Variants in PCDHGB1 observed in about 807,000 individuals in gnomAD.
The protein encoded by PCDHGB1 is protocadherin gamma-B1.
In PCDHGB1, 34 loss-of-function variants were observed where a neutral mutation model predicts 56.6. The ratio of observed to expected loss-of-function variants is 0.60; its 90% CI spans 0.46 to 0.80. The LOEUF (loss-of-function observed/expected upper bound fraction) is 0.80. PCDHGB1 is among the 30% of genes least tolerant of loss of function. The pLI is 0.00. For synonymous variants in PCDHGB1, 561 were observed against 505.9 expected (o/e 1.11, Z -1.46); for missense variants, 1,278 against 1,204.6 (o/e 1.06, Z -0.90).
At position 141,432,778 on chromosome 5, in the gene PCDHGB1, G is replaced by T; in HGVS notation, c.2410-62029G>T. The T allele has an allele frequency of 3.7e-6, 6 of 1,614,166 alleles. No individual in the cohort carries two copies. Among genetic ancestry groups the T allele is most frequent in the Non-Finnish European group, 5.1e-6 (6 of 1,180,002 alleles). ...CCGACAGCATCCCCCAAGTCCTGGCGGACCTCGGCAGCCTCGAGTCTCCAG... is the reference window on the plus strand; with the variant it reads ...CCGACAGCATCCCCCAAGTCCTGGCTGACCTCGGCAGCCTCGAGTCTCCAG... On this transcript the variant is annotated intron_variant, in intron 1 of 3. Transcript: ENST00000523390. The surrounding 1 kb of genome is among the most constrained non-coding windows in gnomAD (Gnocchi z 6.0).
At chr5:141,505,336 G>T in intron 2 of PCDHGB1, 57 bp from the exon 3 acceptor site, 2 of 1,611,372 alleles carry the variant, frequency 1.2e-6, no homozygotes, top group Non-Finnish European at 1.7e-6. Context: ...GAGGACAGGA[G>T]GGGCATGAGC....
intron 1 of PCDHGB1, among the ~76,000 whole-genome samples, chr5:141,481,250 C>A (rs1160186962): frequency 2.6e-5 from 4 of 152,144 alleles, no homozygotes; most frequent in Non-Finnish European, 5.9e-5. Context: ...TAGCATAGCT[C>A]TAAAAGATCA....
rs1160304959 is a variant in PCDHGB1, at chr5:141,490,969, C to A, written c.2410-3838C>A. On this transcript the variant is annotated intron_variant, in intron 1 of 3. Coordinates refer to ENST00000523390, the MANE Select transcript of PCDHGB1 (RefSeq NM_018922.3). This position sits in a 1 kb window ranked among gnomAD's most constrained non-coding sequence, Gnocchi z 5.4. ...GCCAGACTGGGAACACTCAGCCCCC[C>A]AGCGTCTCCCTCGCTCTGCTCCTCC... The A allele has an allele frequency of 2.5e-6, 4 of 1,613,820 alleles. No individual in the cohort carries two copies. In the African/African-American group the frequency reaches 4.0e-5, roughly 16 times the overall value.
At chr5:141,479,186 T>A (rs956575218) in intron 1 of PCDHGB1, 1 of 152,590 alleles carries the variant, frequency 6.6e-6, no homozygotes, top group Non-Finnish European at 1.5e-5. Flanking sequence ...GCTAGAAAAT[T>A]CAGAAAATAC....
chr5:141,351,064 G>A lies in PCDHGB1; in HGVS notation c.804G>A (p.Glu268=). Residue 268 remains glutamate, a synonymous_variant, in exon 1 of 4, where the codon GAG becomes GAA. Coordinates refer to ENST00000523390, the MANE Select transcript of PCDHGB1 (RefSeq NM_018922.3). Reference sequence around the variant, plus strand: ...GGGTGATGGCCACAGACCAGGATGAGGGCATTAATGCAGAGATCACCTATG... The same window carrying A: ...GGGTGATGGCCACAGACCAGGATGAAGGCATTAATGCAGAGATCACCTATG... ...VLRVMATDQD[E]GINAEITYAF... is the part of the protein sequence containing the mutation. 6.2e-7 allele frequency: 1 copy of A among 1,614,060 alleles called. No individual in the cohort carries two copies. The highest frequency in any genetic ancestry group is 8.5e-7 in the Non-Finnish European group (1 of 1,179,902).
chr5:141,509,421 A>T (rs939726886), intron 3 of PCDHGB1, among the ~76,000 whole-genome samples: 5 of 152,088 alleles, frequency 3.3e-5, no homozygotes, highest in Non-Finnish European at 1.5e-5. Context: ...AGCCCCAATG[A>T]GTCAAACTCT....
At chr5:141,402,433 A>C (rs1331958085) in intron 1 of PCDHGB1, among the ~76,000 whole-genome samples, 1 of 152,146 alleles carries the variant, frequency 6.6e-6, no homozygotes, top group Non-Finnish European at 1.5e-5. Context: ...GAAGCATCAT[A>C]AAAAGGAAAT....
Position 141,432,830 on chromosome 5 carries a change from C to G in PCDHGB1, c.2410-61977C>G, listed in dbSNP as rs780093171. On this transcript the variant is annotated intron_variant, in intron 1 of 3. Coordinates refer to ENST00000523390, the MANE Select transcript of PCDHGB1 (RefSeq NM_018922.3). The surrounding 1 kb of genome is among the most constrained non-coding windows in gnomAD (Gnocchi z 6.0). ...TAACTCTGAAACCTCAGACCTCACT[C>G]TGTACCTGGTGGTAGCGGTGGCCGC... 4 of 1,614,208 alleles carry G rather than the reference C, an allele frequency of 2.5e-6. No individual in the cohort carries two copies. The highest frequency in any genetic ancestry group is 2.2e-5 in the East Asian group (1 of 44,874).
intron 1 of PCDHGB1, chr5:141,372,854 C>T: frequency 6.9e-7 from 1 of 1,458,390 alleles, no homozygotes; most frequent in Non-Finnish European, 9.2e-7. Flanking sequence ...AATTGGGTTT[C>T]AATTCATTGA....
intron 1 of PCDHGB1, chr5:141,421,377 C>T (rs1168242339): frequency 1.9e-6 from 3 of 1,613,924 alleles, no homozygotes; most frequent in South Asian, 1.1e-5. Context: ...GCAATATCTC[C>T]AAGGACCTGG....
chr5:141,372,030 G>T, intron 1 of PCDHGB1: 2 of 1,613,446 alleles, frequency 1.2e-6, no homozygotes, highest in Non-Finnish European at 1.7e-6. Flanking sequence ...CAGCGCCAAC[G>T]TGAGCCTGCG....
At chr5:141,483,757 C>T (rs895694800) in intron 1 of PCDHGB1, among the ~76,000 whole-genome samples, 1 of 151,984 alleles carries the variant, frequency 6.6e-6, no homozygotes, top group Non-Finnish European at 1.5e-5. Flanking sequence ...AGGATCGAGG[C>T]TTGGAAAAAT....
chr5:141,389,669 C>T (rs747451761), intron 1 of PCDHGB1: 14 of 1,612,326 alleles, frequency 8.7e-6, no homozygotes, highest in Non-Finnish European at 9.3e-6. Flanking sequence ...TGGACGCAGA[C>T]TCAGGACACA....
chr5:141,409,624 G>C lies in PCDHGB1; in HGVS notation c.2409+56955G>C, dbSNP rs747166507. 11 of 1,613,728 alleles carry C rather than the reference G, an allele frequency of 6.8e-6. No homozygotes were observed. The South Asian group carries it at 8.8e-5, about 13-fold the overall frequency. On this transcript the variant is annotated intron_variant, in intron 1 of 3. Transcript: ENST00000523390. The stretch of plus-strand genomic sequence containing the variant: ...CGCCAGGAGCCTCCATTGCGCAAGT[G>C]AGCGCCTCTGACCCGGATTTGGGGC...
intron 1 of PCDHGB1, among the ~76,000 whole-genome samples, chr5:141,467,903 C>G (rs1256664266): frequency 6.6e-6 from 1 of 152,156 alleles, no homozygotes. Context: ...AAGAAATCCG[C>G]CCACCTCAGC....
Position 141,375,262 on chromosome 5 carries a change from A to C in PCDHGB1, c.2409+22593A>C, listed in dbSNP as rs781354981. The C allele has an allele frequency of 3.1e-6, 5 of 1,613,914 alleles. No individual in the cohort carries two copies. In the South Asian group the frequency reaches 5.5e-5, roughly 18 times the overall value. On this transcript the variant is annotated intron_variant, in intron 1 of 3. Coordinates refer to ENST00000523390, the MANE Select transcript of PCDHGB1 (RefSeq NM_018922.3). Reference sequence around the variant, plus strand: ...CCATCCCGAGAAGTCTCCCATTTGAATTGGAAAAATCAGTTGGCAATTATT... The same window carrying C: ...CCATCCCGAGAAGTCTCCCATTTGACTTGGAAAAATCAGTTGGCAATTATT...
chr5:141,466,518 T>C (rs1430823209), intron 1 of PCDHGB1, among the ~76,000 whole-genome samples: 2 of 152,222 alleles, frequency 1.3e-5, no homozygotes, highest in Admixed American at 6.5e-5. Flanking sequence ...TCATTTTTTT[T>C]CCTCCCAAAT....
chr5:141,352,364 G>C lies in PCDHGB1; in HGVS notation c.2104G>C (p.Ala702Pro), dbSNP rs758290229. Residue 702 changes from alanine to proline, a missense_variant, in exon 1 of 4, where the codon GCG (alanine) becomes CCG (proline). Transcript: ENST00000523390. ...CTTGATCTCAGTGCTCTTTCTCCTC[G>C]CGGTGATTCTAGCGATCGCCCTGCG... The part of the protein sequence containing the change: ...LALISVLFLL[A>P]VILAIALRLR... The C allele has an allele frequency of 1.9e-6, 3 of 1,613,988 alleles. No homozygotes were observed. Among genetic ancestry groups the C allele is most frequent in the Non-Finnish European group, 2.5e-6 (3 of 1,179,900 alleles).
At chr5:141,355,236 G>T (rs758078780) in intron 1 of PCDHGB1, 1 of 1,612,186 alleles carries the variant, frequency 6.2e-7, no homozygotes, top group Non-Finnish European at 8.5e-7. Flanking sequence ...ACCACACCCG[G>T]CTGCTCCAGA....
Sources: allele counts gnomAD v4.1 joint callset (sites outside exome capture counted in the v4.1 genomes callset), GRCh38; gene constraint gnomAD v4.1.1; non-coding constraint Gnocchi (gnomAD v3.1); transcripts MANE v1.5; gene names NCBI Gene and HGNC (gene_info 2026-07-23, HGNC 2026-07-21).